The following ARB2A variants were observed in gnomAD, a reference collection of about 807,000 sequenced individuals.
The protein encoded by ARB2A is ARB2 cotranscriptional regulator A.
the ARB2A span, among the ~76,000 whole-genome samples, chr5:93,876,106 C>T: frequency 1.3e-5 from 2 of 152,070 alleles, no homozygotes; most frequent in African/African-American, 4.8e-5. Flanking sequence ...ACACATTATA[C>T]AAAAATAAAA....
At chr5:94,034,437 T>C in the ARB2A span, among the ~76,000 whole-genome samples, 3 of 152,180 alleles carry the variant, frequency 2.0e-5, no homozygotes, top group African/African-American at 7.2e-5. Context: ...AGAACATTCC[T>C]TCCTTACCTG....
the ARB2A span, among the ~76,000 whole-genome samples, chr5:93,869,000 G>A: frequency 6.8e-4 from 103 of 152,082 alleles, no homozygotes; most frequent in Non-Finnish European, 1.0e-3. Context: ...ACTCACTATC[G>A]CAACCTGGTG....
the ARB2A span, among the ~76,000 whole-genome samples, chr5:94,042,371 C>A: frequency 6.9e-6 from 1 of 145,878 alleles, no homozygotes; most frequent in Non-Finnish European, 1.5e-5. Flanking sequence ...CCAGGCGCGA[C>A]CTCAGCTCAC....
chr5:94,019,484 A>G, the ARB2A span, among the ~76,000 whole-genome samples: 1 of 152,368 alleles, frequency 6.6e-6, no homozygotes, highest in East Asian at 1.9e-4. Context: ...AAAGGATATG[A>G]ACAGACATTT....
the ARB2A span, among the ~76,000 whole-genome samples, chr5:94,067,150 A>G: frequency 7.2e-5 from 11 of 152,304 alleles, no homozygotes; most frequent in South Asian, 2.3e-3. Context: ...CCTCCCTGAT[A>G]AAAACACTCT....
chr5:93,638,681 T>C, the ARB2A span, among the ~76,000 whole-genome samples: 1 of 151,144 alleles, frequency 6.6e-6, no homozygotes, highest in Admixed American at 6.6e-5. Context: ...AAAAAAAAAT[T>C]AGCCAGGTGT....
At chr5:93,937,279 G>T in the ARB2A span, among the ~76,000 whole-genome samples, 3 of 151,744 alleles carry the variant, frequency 2.0e-5, no homozygotes, top group Non-Finnish European at 2.9e-5. Context: ...CTGTGTGGGT[G>T]GGGGGAGGAG....
the ARB2A span, among the ~76,000 whole-genome samples, chr5:93,892,916 C>A: frequency 6.6e-6 from 1 of 152,132 alleles, no homozygotes; most frequent in South Asian, 2.1e-4. Context: ...GATCTAAAAT[C>A]ATATTCATTG....
At chr5:93,760,084 C>T in the ARB2A span, among the ~76,000 whole-genome samples, 1 of 152,132 alleles carries the variant, frequency 6.6e-6, no homozygotes, top group African/African-American at 2.4e-5. Context: ...AAATCGGTAG[C>T]TCTTCTATAC....
At chr5:94,001,972 G>T in the ARB2A span, among the ~76,000 whole-genome samples, 4 of 152,026 alleles carry the variant, frequency 2.6e-5, no homozygotes, top group African/African-American at 9.7e-5. Flanking sequence ...CTCTGATTAG[G>T]TCTCAGTTTT....
At chr5:94,075,264 C>T in the ARB2A span, among the ~76,000 whole-genome samples, 1 of 151,904 alleles carries the variant, frequency 6.6e-6, no homozygotes, top group Non-Finnish European at 1.5e-5. Context: ...CTACAAATTT[C>T]CTATAGTGTA....
chr5:93,971,876 G>C, the ARB2A span, among the ~76,000 whole-genome samples: 1 of 152,136 alleles, frequency 6.6e-6, no homozygotes, highest in Non-Finnish European at 1.5e-5. Context: ...TCCTTGGCAT[G>C]GTCTGCCACC....
chr5:94,008,466 T>G, the ARB2A span, among the ~76,000 whole-genome samples: 4 of 152,174 alleles, frequency 2.6e-5, no homozygotes. Context: ...CCAGGTATTG[T>G]GCATACTGCT....
chr5:93,648,467 A>G, the ARB2A span, among the ~76,000 whole-genome samples: 1 of 152,196 alleles, frequency 6.6e-6, no homozygotes, highest in Non-Finnish European at 1.5e-5. Context: ...AACTCAATGC[A>G]TGCCTTCCTT....
the ARB2A span, among the ~76,000 whole-genome samples, chr5:93,973,317 G>A: frequency 1.5e-3 from 224 of 151,414 alleles, 1 homozygote; most frequent in South Asian, 5.6e-3. Context: ...GCAGAAGAAG[G>A]AATCTCAGAG....
chr5:93,765,669 T>TTTCTTC, the ARB2A span, among the ~76,000 whole-genome samples: 2 of 150,390 alleles, frequency 1.3e-5, no homozygotes, highest in African/African-American at 4.9e-5. Flanking sequence ...TACCAATGAC[T>TTTCTTC]AGAATTGGAA....
the ARB2A span, among the ~76,000 whole-genome samples, chr5:93,698,543 A>C: frequency 1.3e-5 from 2 of 152,202 alleles, no homozygotes; most frequent in African/African-American, 4.8e-5. Flanking sequence ...ACAAAGATCC[A>C]AAGAAAATGA....
the ARB2A span, among the ~76,000 whole-genome samples, chr5:93,722,577 G>A: frequency 6.6e-6 from 1 of 152,002 alleles, no homozygotes; most frequent in South Asian, 2.1e-4. Context: ...CTAACTACAG[G>A]AACAACATTA....
chr5:93,649,989 C>T, the ARB2A span, among the ~76,000 whole-genome samples: 4 of 152,080 alleles, frequency 2.6e-5, no homozygotes, highest in Non-Finnish European at 5.9e-5. Flanking sequence ...AACAACTCAT[C>T]ATTCACAATG....
Sources: gnomAD v4.1 joint callset for allele counts (sites outside exome capture counted in the v4.1 genomes callset) on GRCh38, gnomAD v4.1.1 for gene constraint, MANE v1.5 for transcripts, NCBI Gene and HGNC (gene_info 2026-07-23, HGNC 2026-07-21) for gene names.